Variants in SLC22A23 observed in about 807,000 individuals in gnomAD.
The protein encoded by SLC22A23 is ion transporter protein.
A neutral mutation model predicts 61.0 loss-of-function variants in SLC22A23; 26 were observed. The ratio of observed to expected loss-of-function variants is 0.43; its 90% CI spans 0.31 to 0.59. The LOEUF (loss-of-function observed/expected upper bound fraction) is 0.59, where lower values mean the gene tolerates loss of function less well. Ranked by LOEUF, SLC22A23 falls within the 20% of genes least tolerant of loss-of-function variation. The pLI is 0.11. For synonymous variants in SLC22A23, 430 were observed against 413.9 expected (o/e 1.04, Z -0.47); for missense variants, 796 against 934.7 (o/e 0.85, Z 1.94).
chr6:3,416,602 G>A (rs981358656), intron 1 of SLC22A23, among the ~76,000 whole-genome samples: 1 of 152,202 alleles, frequency 6.6e-6, no homozygotes, highest in Non-Finnish European at 1.5e-5. Flanking sequence ...GTAAACCCCT[G>A]TTTGTTCCCT....
intron 3 of SLC22A23, among the ~76,000 whole-genome samples, chr6:3,351,492 C>T (rs6919093): frequency 0.39 from 59,676 of 151,986 alleles, 13,344 homozygotes; most frequent in African/African-American, 0.61. Context: ...TTGCCCTGAG[C>T]GTGCCAGGCA....
intron 2 of SLC22A23, among the ~76,000 whole-genome samples, chr6:3,411,123 G>A (rs1488359755): frequency 6.6e-6 from 1 of 152,214 alleles, no homozygotes; most frequent in African/African-American, 2.4e-5. Context: ...GAGGACAGTA[G>A]AGGGTGGTCC....
chr6:3,425,574 G>C (rs1481277595), intron 1 of SLC22A23, among the ~76,000 whole-genome samples: 1 of 152,178 alleles, frequency 6.6e-6, no homozygotes, highest in East Asian at 1.9e-4. Context: ...ATGAGTCACC[G>C]CACCCGGCCG....
At chr6:3,298,669 G>C (rs562629801) in intron 4 of SLC22A23, among the ~76,000 whole-genome samples, 3 of 152,262 alleles carry the variant, frequency 2.0e-5, no homozygotes, top group South Asian at 4.1e-4. Flanking sequence ...ACATAGCTAG[G>C]AGGAGGATGT....
rs1043063976 is a variant in SLC22A23 at position 3,446,058 on chromosome 6, C to A, written c.654+9848G>T. Among the ~76,000 whole-genome samples the A allele has an allele frequency of 2.6e-5, 4 of 152,178 alleles. 1 individual carries two copies. The highest frequency in any genetic ancestry group is 9.7e-5 in the African/African-American group (4 of 41,434). ...AGAGAAATCTGCCCAGAGAGGTGTT[C>A]TGCGGAAGTCCACCCATGCAAAGCC... On this transcript the variant is annotated intron_variant, in intron 1 of 9. Coordinates refer to ENST00000406686, the MANE Select transcript of SLC22A23 (RefSeq NM_015482.2).
rs1290738530 is a variant in SLC22A23 at position 3,282,853 on chromosome 6, G to A, written c.1703+999C>T. The stretch of plus-strand genomic sequence containing the variant: ...GCATGGTGGCAACAGTAAATGGCGT[G>A]TAGCACCCATGAACCACGACCCAGG... On this transcript the variant is annotated intron_variant, in intron 9 of 9. Coordinates refer to ENST00000406686, the MANE Select transcript of SLC22A23 (RefSeq NM_015482.2). Among the ~76,000 whole-genome samples the A allele has an allele frequency of 3.9e-5, 6 of 152,306 alleles. No individual in the cohort carries two copies. The East Asian group carries it at 9.6e-4, about 24-fold the overall frequency.
intron 3 of SLC22A23, among the ~76,000 whole-genome samples, chr6:3,380,496 G>A (rs1348562774): frequency 1.3e-5 from 2 of 152,110 alleles, no homozygotes; most frequent in African/African-American, 4.8e-5. Flanking sequence ...CATGAAACTA[G>A]GCATTCCGGT....
chr6:3,367,322 T>C (rs1211967816), intron 3 of SLC22A23, among the ~76,000 whole-genome samples: 1 of 152,216 alleles, frequency 6.6e-6, no homozygotes, highest in Non-Finnish European at 1.5e-5. Flanking sequence ...CAAAGCCTAT[T>C]CTTTGGCCAT....
chr6:3,316,268 C>A (rs1021064953), intron 4 of SLC22A23, among the ~76,000 whole-genome samples: 2 of 152,186 alleles, frequency 1.3e-5, no homozygotes, highest in Admixed American at 6.5e-5. Flanking sequence ...GGAATAAATC[C>A]ACCAACTCCA....
In SLC22A23 at chr6:3,271,705, T is replaced by C. The variant is rs1758486282; in HGVS notation, c.*1350A>G. 6.6e-6 allele frequency: 1 copy of C among 152,376 alleles called. No homozygotes were observed. Among genetic ancestry groups the C allele is most frequent in the Non-Finnish European group, 1.5e-5 (1 of 68,052 alleles). 9.4% of individuals were successfully genotyped at this position (152,376 alleles called of 1,614,324 possible). On this transcript the variant is annotated 3_prime_UTR_variant, in exon 10 of 10. Coordinates refer to ENST00000406686, the MANE Select transcript of SLC22A23 (RefSeq NM_015482.2). Reference sequence around the variant, plus strand: ...TGGTGCCTGCCCTTGCCAAGGAGGCTGTCTCTTAGTCGCCTTGGGTGTCCT... The same window carrying C: ...TGGTGCCTGCCCTTGCCAAGGAGGCCGTCTCTTAGTCGCCTTGGGTGTCCT...
rs1271976293 is a variant in SLC22A23, at chr6:3,415,946, G to C, written c.655-91C>G. On this transcript the variant is annotated intron_variant, in intron 1 of 9. Coordinates refer to ENST00000406686, the MANE Select transcript of SLC22A23 (RefSeq NM_015482.2). Reference sequence around the variant, plus strand: ...TAAGGGCAATACAATAACCCTGCAGGGACCACCGCACCGTTGCCAGTACCA... The same window carrying C: ...TAAGGGCAATACAATAACCCTGCAGCGACCACCGCACCGTTGCCAGTACCA... 10 of 890,766 alleles carry C rather than the reference G, an allele frequency of 1.1e-5. No individual in the cohort carries two copies. The African/African-American group carries it at 1.3e-4, about 12-fold the overall frequency. 55.2% of individuals were successfully genotyped at this position (890,766 alleles called of 1,614,324 possible). A position where few individuals can be genotyped will look rare whatever the true frequency, so the allele number is the denominator to read the frequency against.
At chr6:3,296,085 C>T (rs1581636348) in intron 5 of SLC22A23, among the ~76,000 whole-genome samples, 1 of 117,664 alleles carries the variant, frequency 8.5e-6, no homozygotes, top group South Asian at 2.5e-4. Flanking sequence ...GTGAAAGAAG[C>T]AGAGTGTGAT....
intron 3 of SLC22A23, among the ~76,000 whole-genome samples, chr6:3,409,067 G>A (rs529763046): frequency 3.9e-5 from 6 of 152,346 alleles, no homozygotes; most frequent in Admixed American, 3.9e-4. Flanking sequence ...TTTATTCAAA[G>A]AAACAAGTTC....
At chr6:3,442,215 G>A (rs1360934150) in intron 1 of SLC22A23, among the ~76,000 whole-genome samples, 1 of 152,176 alleles carries the variant, frequency 6.6e-6, no homozygotes, top group East Asian at 1.9e-4. Flanking sequence ...GGTACCCGGA[G>A]TAAGCAAATT....
At chr6:3,340,601 G>A (rs977119967) in intron 3 of SLC22A23, among the ~76,000 whole-genome samples, 20 of 152,166 alleles carry the variant, frequency 1.3e-4, no homozygotes, top group Non-Finnish European at 2.4e-4. Flanking sequence ...CTTTGTAACC[G>A]ATCCTTTGTG....
chr6:3,310,457 G>A (rs1341135366), intron 4 of SLC22A23, among the ~76,000 whole-genome samples: 9 of 140,174 alleles, frequency 6.4e-5, no homozygotes, highest in Non-Finnish European at 1.4e-4. Context: ...GGGAGCACCT[G>A]ATGCACCGCA....
chr6:3,416,264 A>C (rs961146076), intron 1 of SLC22A23, among the ~76,000 whole-genome samples: 4 of 152,274 alleles, frequency 2.6e-5, no homozygotes, highest in African/African-American at 9.6e-5. Flanking sequence ...AACTTTCTGC[A>C]TGGGCATCGT....
At chr6:3,385,372 C>A (rs374848941) in intron 3 of SLC22A23, among the ~76,000 whole-genome samples, 2 of 152,024 alleles carry the variant, frequency 1.3e-5, no homozygotes, top group African/African-American at 4.8e-5. Context: ...AAAAATTAGC[C>A]GGGTGCGGTG....
chr6:3,312,358 G>C (rs9405629), intron 4 of SLC22A23: 1 of 152,034 alleles, frequency 6.6e-6, no homozygotes. Flanking sequence ...CAGAGCCTTC[G>C]AAATACAACG....
Sources: allele counts gnomAD v4.1 joint callset (sites outside exome capture counted in the v4.1 genomes callset), GRCh38; gene constraint gnomAD v4.1.1; transcripts MANE v1.5; gene names NCBI Gene and HGNC (gene_info 2026-07-23, HGNC 2026-07-21).